The following ANKRD13A variants were observed in gnomAD, a reference collection of about 807,000 sequenced individuals.
ANKRD13A encodes ankyrin repeat domain-containing protein 13A.
ANKRD13A carries 48 observed loss-of-function variants against 81.3 expected under a neutral mutation model. That is an observed-to-expected ratio of 0.59 (90% CI 0.47 to 0.75). ANKRD13A has a LOEUF of 0.75. ANKRD13A is among the 30% of genes least tolerant of loss of function. The pLI is 0.00. For synonymous variants in ANKRD13A, 230 were observed against 270.1 expected (o/e 0.85, Z 1.45); for missense variants, 612 against 734.0 (o/e 0.83, Z 1.92).
intron 1 of ANKRD13A, 101 bp from the exon 2 acceptor site, chr12:110,011,904 A>G: frequency 1.6e-6 from 2 of 1,229,214 alleles, no homozygotes; most frequent in South Asian, 3.4e-5. Context: ...TTAATGCATA[A>G]ATATGTTTTC....
intron 3 of ANKRD13A, 130 bp downstream of exon 3, chr12:110,013,379 C>A: frequency 1.5e-5 from 17 of 1,129,114 alleles, no homozygotes; most frequent in Middle Eastern, 2.1e-4. Context: ...TACTCAATAC[C>A]AATCACATTA....
At chr12:110,027,804 A>G in intron 9 of ANKRD13A, 38 bp downstream of exon 9, 1 of 1,605,714 alleles carries the variant, frequency 6.2e-7, no homozygotes, top group South Asian at 1.1e-5. Flanking sequence ...CAGTTAGATG[A>G]AAGGAAACAA....
Position 110,039,609 on chromosome 12 carries a change from G to A in ANKRD13A, c.*2055G>A, listed in dbSNP as rs1409159297. Reference sequence around the variant, plus strand: ...CAGGTTAACAAGCCCCATGCTGCTTGTTTCAAATGGCAACTAAAAGCAAGC... The same window carrying A: ...CAGGTTAACAAGCCCCATGCTGCTTATTTCAAATGGCAACTAAAAGCAAGC... On this transcript the variant is annotated 3_prime_UTR_variant, in exon 15 of 15. Transcript: ENST00000261739. 1.3e-5 allele frequency: 2 copies of A among 152,248 alleles called. No homozygotes were observed. The highest frequency in any genetic ancestry group is 3.8e-4 in the East Asian group (2 of 5,198). The allele number at this position is 152,248 out of a possible 1,614,324, so 9.4% of individuals were successfully genotyped here. A position where few individuals can be genotyped will look rare whatever the true frequency, so the allele number is the denominator to read the frequency against.
intron 1 of ANKRD13A, among the ~76,000 whole-genome samples, chr12:110,009,662 C>T (rs886908481): frequency 6.6e-6 from 1 of 152,046 alleles, no homozygotes; most frequent in African/African-American, 2.4e-5. Flanking sequence ...TTTTTTTCGA[C>T]TGCCTCTTCA....
chr12:110,028,772 C>G (rs989022358), intron 10 of ANKRD13A, 130 bp downstream of exon 10: 5 of 1,309,270 alleles, frequency 3.8e-6, no homozygotes, highest in Admixed American at 4.3e-5. Context: ...GAGTCTCGCT[C>G]TGTCGCCTAG....
intron 1 of ANKRD13A, among the ~76,000 whole-genome samples, chr12:110,003,177 A>G (rs1418711704): frequency 1.3e-5 from 2 of 152,184 alleles, no homozygotes; most frequent in Non-Finnish European, 2.9e-5. Flanking sequence ...TACCTTAGAC[A>G]GGGTTGGAAA....
chr12:110,000,049 G>A (rs1390163672), intron 1 of ANKRD13A, among the ~76,000 whole-genome samples: 1 of 152,210 alleles, frequency 6.6e-6, no homozygotes, highest in Non-Finnish European at 1.5e-5. Flanking sequence ...AAGGAAACAG[G>A]TCCTCAGACG....
intron 8 of ANKRD13A, among the ~76,000 whole-genome samples, chr12:110,026,529 A>G (rs975052623): frequency 2.0e-5 from 3 of 149,748 alleles, no homozygotes; most frequent in Non-Finnish European, 3.0e-5. Flanking sequence ...GTGAGCTGAG[A>G]TCGTGCCATT....
At chr12:110,034,108 C>A in intron 13 of ANKRD13A, 151 bp downstream of exon 13, 1 of 816,968 alleles carries the variant, frequency 1.2e-6, no homozygotes, top group Non-Finnish European at 1.7e-6. Context: ...TGCATCTGGT[C>A]TTCTTACAAA....
chr12:110,035,596 C>T (rs912001923), intron 13 of ANKRD13A, among the ~76,000 whole-genome samples: 2 of 151,932 alleles, frequency 1.3e-5, no homozygotes, highest in African/African-American at 2.4e-5. Context: ...ATTACAGGTG[C>T]GCACCACCAG....
In ANKRD13A at chr12:110,037,897, G is replaced by A; in HGVS notation, c.*343G>A. ...GGTTTGTAGATAAATTTTTATCAAGGAGTGATAACAAGACAAGTTATTGCA... is the reference window on the plus strand; with the variant it reads ...GGTTTGTAGATAAATTTTTATCAAGAAGTGATAACAAGACAAGTTATTGCA... On this transcript the variant is annotated 3_prime_UTR_variant, in exon 15 of 15. Transcript: ENST00000261739. 1 of 184,594 alleles carries A rather than the reference G, an allele frequency of 5.4e-6. No individual in the cohort carries two copies. The highest frequency in any genetic ancestry group is 1.1e-5 in the Non-Finnish European group (1 of 87,928). The allele number at this position is 184,594 out of a possible 1,614,324, so 11.4% of individuals were successfully genotyped here. A position where few individuals can be genotyped will look rare whatever the true frequency, so the allele number is the denominator to read the frequency against.
intron 14 of ANKRD13A, 27 bp from the exon 15 acceptor site, chr12:110,037,332 T>C: frequency 6.3e-7 from 1 of 1,598,630 alleles, no homozygotes; most frequent in Non-Finnish European, 8.5e-7. Context: ...GTAGTGACTC[T>C]CCCTTTTTAT....
intron 1 of ANKRD13A, among the ~76,000 whole-genome samples, chr12:110,004,614 A>G (rs993421683): frequency 6.6e-6 from 1 of 152,188 alleles, no homozygotes; most frequent in Non-Finnish European, 1.5e-5. Flanking sequence ...CTGGGCAACA[A>G]GAGGGAGACT....
intron 5 of ANKRD13A, 68 bp from the exon 6 acceptor site, chr12:110,019,071 T>A: frequency 6.8e-7 from 1 of 1,469,144 alleles, no homozygotes; most frequent in Non-Finnish European, 9.2e-7. Context: ...CATTTTAACA[T>A]ACGAAGCTTC....
rs1371620121 is a variant in ANKRD13A at position 110,037,588 on chromosome 12, A to G, written c.*34A>G. On this transcript the variant is annotated 3_prime_UTR_variant, in exon 15 of 15. Transcript: ENST00000261739. Reference sequence around the variant, plus strand: ...GCCTGTGAGCCTCTGCACAAAGCAGAGGCTGTGGGCTGTCACAGATGCTGT... The same window carrying G: ...GCCTGTGAGCCTCTGCACAAAGCAGGGGCTGTGGGCTGTCACAGATGCTGT... 1 of 1,595,984 alleles carries G rather than the reference A, an allele frequency of 6.3e-7. No individual in the cohort carries two copies. Among genetic ancestry groups the G allele is most frequent in the Non-Finnish European group, 8.5e-7 (1 of 1,171,572 alleles).
intron 1 of ANKRD13A, among the ~76,000 whole-genome samples, chr12:110,009,281 A>G (rs1292710260): frequency 6.6e-6 from 1 of 151,932 alleles, no homozygotes; most frequent in East Asian, 1.9e-4. Flanking sequence ...GGGTTTCTCC[A>G]TGTTGGTCAG....
chr12:110,033,723 G>T, intron 12 of ANKRD13A, 74 bp from the exon 13 acceptor site: 1 of 1,364,128 alleles, frequency 7.3e-7, no homozygotes, highest in South Asian at 1.7e-5. Flanking sequence ...TTTTTCTAAT[G>T]TACAACATTT....
At chr12:110,011,274 G>C (rs569927137) in intron 1 of ANKRD13A, among the ~76,000 whole-genome samples, 15 of 152,336 alleles carry the variant, frequency 9.8e-5, no homozygotes, top group Middle Eastern at 3.4e-3. Context: ...GTGCCAAAAG[G>C]GGGGCGAGAG....
chr12:110,014,884 C>T (rs1266928048), intron 3 of ANKRD13A, among the ~76,000 whole-genome samples: 3 of 151,626 alleles, frequency 2.0e-5, no homozygotes, highest in Admixed American at 6.6e-5. Flanking sequence ...CCCGGGTTCA[C>T]GCCATTCTCC....
Sources: gnomAD v4.1 joint callset for allele counts (sites outside exome capture counted in the v4.1 genomes callset) on GRCh38, gnomAD v4.1.1 for gene constraint, MANE v1.5 for transcripts, NCBI Gene and HGNC (gene_info 2026-07-23, HGNC 2026-07-21) for gene names.